The following APOH variants were observed in gnomAD, a reference collection of about 807,000 sequenced individuals.
The protein encoded by APOH is apolipoprotein H.
In APOH, 48 loss-of-function variants were observed where a neutral mutation model predicts 39.8. The observed-to-expected ratio is 1.21, with a 90% CI of 0.96 to 1.54. The LOEUF (loss-of-function observed/expected upper bound fraction) is 1.54, where lower values mean the gene tolerates loss of function less well. Among genes scored for constraint, APOH ranks in the 40% most tolerant of loss-of-function variants. The probability of loss-of-function intolerance (pLI) is 0.00; values close to 1 mark genes in which losing one functional copy is unlikely to be tolerated. For synonymous variants in APOH, 153 were observed against 151.1 expected (o/e 1.01, Z -0.09); for missense variants, 415 against 421.2 (o/e 0.99, Z 0.13).
At chr17:66,228,285 G>C (rs925959966) in intron 1 of APOH, 89 bp from the exon 2 acceptor site, 2 of 1,409,578 alleles carry the variant, frequency 1.4e-6, no homozygotes, top group African/African-American at 1.4e-5. Flanking sequence ...TGTGTGTACT[G>C]TTACCAATTA....
chr17:66,214,443 G>A lies in APOH; in HGVS notation c.982+10C>T, dbSNP rs767780009. The A allele has an allele frequency of 3.7e-6, 6 of 1,611,882 alleles. No individual in the cohort carries two copies. Among genetic ancestry groups the A allele is most frequent in the Non-Finnish European group, 4.2e-6 (5 of 1,178,444 alleles). On this transcript the variant is annotated intron_variant, in intron 7 of 7. Coordinates refer to ENST00000205948, the MANE Select transcript of APOH (RefSeq NM_000042.3). ...GGGAGTCCTAGCTAAACGTTCCAAT[G>A]CAGACTTACCCTTGAAGCATTTGGG...
chr17:66,219,822 G>A (rs1292452975), intron 5 of APOH, among the ~76,000 whole-genome samples: 1 of 152,064 alleles, frequency 6.6e-6, no homozygotes, highest in Non-Finnish European at 1.5e-5. Context: ...GGGAGGCCAA[G>A]GCATGAGAAT....
intron 7 of APOH, 102 bp from the exon 8 acceptor site, chr17:66,212,290 T>C: frequency 1.1e-6 from 1 of 886,762 alleles, no homozygotes; most frequent in Non-Finnish European, 1.8e-6. Flanking sequence ...GTATATAGAA[T>C]ACATGTGATT....
chr17:66,219,750 C>G (rs142389221), intron 5 of APOH, among the ~76,000 whole-genome samples: 3 of 152,038 alleles, frequency 2.0e-5, no homozygotes, highest in Non-Finnish European at 2.9e-5. Flanking sequence ...GAAACTCCGT[C>G]TCTACTAAAA....
At chr17:66,212,453 C>T (rs2073341672) in intron 7 of APOH, among the ~76,000 whole-genome samples, 1 of 152,112 alleles carries the variant, frequency 6.6e-6, no homozygotes, top group African/African-American at 2.4e-5. Context: ...GGCACAATCT[C>T]AGCTCACTGC....
At chr17:66,225,359 T>G (rs1051249167) in intron 3 of APOH, among the ~76,000 whole-genome samples, 1 of 152,164 alleles carries the variant, frequency 6.6e-6, no homozygotes, top group African/African-American at 2.4e-5. Context: ...AAGTGATTGC[T>G]TCCTGGGGAT....
At position 66,226,139 on chromosome 17, in the gene APOH, T is replaced by C. The variant is rs371524567; in HGVS notation, c.242-15A>G. ...ACATACTCTGGCTGTGATACAAAGA[T>C]AAAAAATGTTACTTTTCTTTGGGCT... On this transcript the variant is annotated splice_polypyrimidine_tract_variant and intron_variant, in intron 2 of 7. Transcript: ENST00000205948. 20 of 1,564,464 alleles carry C rather than the reference T, an allele frequency of 1.3e-5. No individual in the cohort carries two copies. The highest frequency in any genetic ancestry group is 4.1e-5 in the African/African-American group (3 of 72,966).
intron 5 of APOH, among the ~76,000 whole-genome samples, chr17:66,217,667 G>A (rs2073373802): frequency 6.6e-6 from 1 of 152,074 alleles, no homozygotes; most frequent in Admixed American, 6.6e-5. Flanking sequence ...CAGAATTCAT[G>A]TGGCCAGGCA....
At chr17:66,213,783 TA>T (rs544381105) in intron 7 of APOH, among the ~76,000 whole-genome samples, 146 of 152,006 alleles carry the variant, frequency 9.6e-4, no homozygotes, top group African/African-American at 3.4e-3. Context: ...AATAAAAATA[TA>T]AAAAATAGCT....
intron 4 of APOH, 86 bp from the exon 5 acceptor site, chr17:66,220,828 G>C (rs2073393871): frequency 7.6e-7 from 1 of 1,315,886 alleles, no homozygotes; most frequent in African/African-American, 1.5e-5. Flanking sequence ...AAAACCCTAA[G>C]GATAAACTTG....
intron 5 of APOH, among the ~76,000 whole-genome samples, chr17:66,218,138 A>G (rs2073376548): frequency 6.6e-6 from 1 of 152,174 alleles, no homozygotes; most frequent in African/African-American, 2.4e-5. Context: ...ATGACTGCCC[A>G]ACAGTGGATA....
At chr17:66,218,398 C>G (rs187659397) in intron 5 of APOH, among the ~76,000 whole-genome samples, 2 of 152,042 alleles carry the variant, frequency 1.3e-5, no homozygotes, top group African/African-American at 4.8e-5. Flanking sequence ...CAACCTCCCC[C>G]TCCTGGTTCA....
chr17:66,215,476 GC>G (rs1567738066), intron 6 of APOH, among the ~76,000 whole-genome samples: 1 of 152,168 alleles, frequency 6.6e-6, no homozygotes, highest in Non-Finnish European at 1.5e-5. Flanking sequence ...TCGCAAATCT[GC>G]CTCACTCTTT....
rs774860125 is a variant in APOH at position 66,226,056 on chromosome 17, T to C, written c.310A>G (p.Asn104Asp). The change falls in exon 3 of 8, where the codon AAC becomes GAC. Residue 104 changes from asparagine to aspartate, a missense_variant. Physicochemically the swap from Asn to Asp is conservative, Grantham distance 23. Around this residue, in one of 3 missense-constraint regions of APOH, gnomAD observed 288 missense variants for 284.9 expected, o/e 1.01. Coordinates refer to ENST00000205948, the MANE Select transcript of APOH (RefSeq NM_000042.3). Reference sequence around the variant, plus strand: ...GTGTTACAAGAAAAACTGATCGTGTTGGGATATTCAAAAGTCGTATAGCGT... The same window carrying C: ...GTGTTACAAGAAAAACTGATCGTGTCGGGATATTCAAAAGTCGTATAGCGT... Reference protein sequence around the residue: ...AVRYTTFEYPNTISFSCNTGF... With the variant: ...AVRYTTFEYPDTISFSCNTGF... The C allele has an allele frequency of 3.7e-6, 6 of 1,613,636 alleles. No individual in the cohort carries two copies. The highest frequency in any genetic ancestry group is 5.1e-6 in the Non-Finnish European group (6 of 1,179,804).
Position 66,223,843 on chromosome 17 carries a change from C to T in APOH, c.339-69G>A, listed in dbSNP as rs931549574. ...TCACTGACATCTCAAATATCTTCTC[C>T]ATTGAGCATTGCTTCATGTTAATGC... On this transcript the variant is annotated intron_variant, in intron 3 of 7. Transcript: ENST00000205948. 3.8e-6 allele frequency: 5 copies of T among 1,316,408 alleles called. No individual in the cohort carries two copies. In the Admixed American group the frequency reaches 8.5e-5, roughly 23 times the overall value. The allele number at this position is 1,316,408 out of a possible 1,614,324, so 81.5% of individuals were successfully genotyped here. A position where few individuals can be genotyped will look rare whatever the true frequency, so the allele number is the denominator to read the frequency against.
chr17:66,226,058 G>C lies in APOH; in HGVS notation c.308C>G (p.Pro103Arg), dbSNP rs1567742385. ...GTTACAAGAAAAACTGATCGTGTTG[G>C]GATATTCAAAAGTCGTATAGCGTAC... ...GAVRYTTFEY[P>R]NTISFSCNTG... The change falls in exon 3 of 8, where the codon CCC (proline) becomes CGC (arginine). Residue 103 changes from proline to arginine, a missense_variant. Coordinates refer to ENST00000205948, the MANE Select transcript of APOH (RefSeq NM_000042.3). 6.2e-7 allele frequency: 1 copy of C among 1,613,420 alleles called. No individual in the cohort carries two copies.
chr17:66,213,807 G>A (rs2073348685), intron 7 of APOH, among the ~76,000 whole-genome samples: 2 of 152,022 alleles, frequency 1.3e-5, no homozygotes, highest in Admixed American at 6.6e-5. Flanking sequence ...ACATGGTGGT[G>A]CGTGCATGTA....
intron 4 of APOH, among the ~76,000 whole-genome samples, chr17:66,223,486 C>T (rs1174361648): frequency 6.6e-6 from 1 of 152,172 alleles, no homozygotes. Context: ...GTGGAGAATA[C>T]AGAATGTGTC....
At chr17:66,224,599 GAAAGAAAGAA>G (rs1198260327) in intron 3 of APOH, among the ~76,000 whole-genome samples, 1 of 140,006 alleles carries the variant, frequency 7.1e-6, no homozygotes, top group African/African-American at 2.7e-5. Flanking sequence ...GAAAGAGAAA[GAAAGAAAGAA>G]AAAGAAAGAA....
Sources: allele counts gnomAD v4.1 joint callset (sites outside exome capture counted in the v4.1 genomes callset), GRCh38; gene constraint gnomAD v4.1.1; regional missense constraint gnomAD v4.1.1; transcripts MANE v1.5; gene names NCBI Gene and HGNC (gene_info 2026-07-23, HGNC 2026-07-21).